The following CNRIP1 variants were observed in gnomAD, a reference collection of about 807,000 sequenced individuals.
CNRIP1 encodes the protein cannabinoid receptor interacting protein 1.
A neutral mutation model predicts 15.2 loss-of-function variants in CNRIP1; 10 were observed. That is an observed-to-expected ratio of 0.66 (90% CI 0.41 to 1.12). CNRIP1 has a LOEUF of 1.12. CNRIP1 is among the 50% of genes most tolerant of loss of function. The pLI, the probability that CNRIP1 is intolerant of heterozygous loss-of-function variation, is 0.00. For missense variants in CNRIP1, 211 were observed against 214.7 expected (o/e 0.98, Z 0.11); for synonymous variants, 91 against 83.2 (o/e 1.09, Z -0.51).
chr2:68,316,517 A>C (rs1672278075), intron 2 of CNRIP1: 1 of 151,356 alleles, frequency 6.6e-6, no homozygotes, highest in Admixed American at 6.6e-5. Flanking sequence ...CTATGTCTTG[A>C]CTCTATCCTT....
chr2:68,305,774 C>T (rs1448066376), intron 2 of CNRIP1, among the ~76,000 whole-genome samples: 8 of 135,976 alleles, frequency 5.9e-5, no homozygotes, highest in Admixed American at 8.2e-5. Flanking sequence ...GCAGCCTGGG[C>T]GTCAGAGAAA....
At chr2:68,314,397 A>G (rs1353581517) in intron 2 of CNRIP1, among the ~76,000 whole-genome samples, 1 of 152,146 alleles carries the variant, frequency 6.6e-6, no homozygotes, top group African/African-American at 2.4e-5. Context: ...AAGGTTTAGT[A>G]TTTGGAAGTG....
rs184762712 is a variant in CNRIP1 at position 68,318,476 on chromosome 2, T to A, written c.179+746A>T. Among the ~76,000 whole-genome samples the A allele has an allele frequency of 2.2e-4, 33 of 152,204 alleles. No individual in the cohort carries two copies. The East Asian group carries it at 6.4e-3, about 29-fold the overall frequency. On this transcript the variant is annotated intron_variant, in intron 1 of 2. Transcript: ENST00000263655. The stretch of plus-strand genomic sequence containing the variant: ...CGCCAGAGGTCTACTGGGTGCATTA[T>A]CCAGCGGTCGCTGGCAAGAAATCGT...
intron 2 of CNRIP1, among the ~76,000 whole-genome samples, chr2:68,302,490 TG>T (rs1353658410): frequency 6.6e-6 from 1 of 152,330 alleles, no homozygotes; most frequent in East Asian, 1.9e-4. Context: ...CTCTGTGAAA[TG>T]GGGTTTGAGA....
rs1225964288 is a variant in CNRIP1 at position 68,305,272 on chromosome 2, A to ATGTGTGTGTG, written c.331-11247_331-11246insCACACACACA. ...AAAAAAAAAAAAAATATATATATAT[A>ATGTGTGTGTG]TATGTGTGTGTGTGTGTGTGTGTGT... On this transcript the variant is annotated intron_variant, in intron 2 of 2. Transcript: ENST00000263655. Among the ~76,000 whole-genome samples, 114 of 68,984 alleles carry ATGTGTGTGTG rather than the reference A, an allele frequency of 1.7e-3. No homozygotes were observed. The East Asian group carries it at 0.028, about 17-fold the overall frequency. 45.3% of individuals were successfully genotyped at this position (68,984 alleles called of 152,430 possible).
intron 2 of CNRIP1, among the ~76,000 whole-genome samples, chr2:68,297,153 A>G (rs1187492207): frequency 3.3e-5 from 5 of 152,272 alleles, no homozygotes; most frequent in Admixed American, 3.3e-4. Context: ...GTATTTCCCA[A>G]AAGTATTACC....
At chr2:68,297,019 G>A (rs954182102) in intron 2 of CNRIP1, among the ~76,000 whole-genome samples, 13 of 151,970 alleles carry the variant, frequency 8.6e-5, no homozygotes, top group Non-Finnish European at 1.6e-4. Flanking sequence ...CACCAGCCTC[G>A]GCCTCTCAAA....
chr2:68,294,495 C>T (rs1671275884), intron 2 of CNRIP1, among the ~76,000 whole-genome samples: 1 of 152,128 alleles, frequency 6.6e-6, no homozygotes, highest in Non-Finnish European at 1.5e-5. Flanking sequence ...GTCTCTAAAA[C>T]AAACCCCCAT....
chr2:68,302,796 C>T (rs1394180703), intron 2 of CNRIP1, among the ~76,000 whole-genome samples: 6 of 152,130 alleles, frequency 3.9e-5, no homozygotes, highest in African/African-American at 1.2e-4. Flanking sequence ...GTAACGTTTC[C>T]CCCAAATAGC....
At chr2:68,304,401 C>A (rs200129002) in intron 2 of CNRIP1, among the ~76,000 whole-genome samples, 34 of 148,310 alleles carry the variant, frequency 2.3e-4, no homozygotes, top group African/African-American at 4.7e-4. Context: ...GACTCCATCT[C>A]AAAAAAAAAA....
In CNRIP1 at chr2:68,319,768, G is replaced by T; in HGVS notation, c.-368C>A. On this transcript the variant is annotated 5_prime_UTR_variant, in exon 1 of 3. Coordinates refer to ENST00000263655, the MANE Select transcript of CNRIP1 (RefSeq NM_015463.3). ...GGGCGAGGGAGTTAATCCTGTTTACGCACCACAATCCCCTTCAGCTGGGGA... is the reference window on the plus strand; with the variant it reads ...GGGCGAGGGAGTTAATCCTGTTTACTCACCACAATCCCCTTCAGCTGGGGA... 4.7e-6 allele frequency: 1 copy of T among 211,482 alleles called. No individual in the cohort carries two copies. The highest frequency in any genetic ancestry group is 9.5e-6 in the Non-Finnish European group (1 of 104,788). 13.1% of individuals were successfully genotyped at this position (211,482 alleles called of 1,614,324 possible). A position where few individuals can be genotyped will look rare whatever the true frequency, so the allele number is the denominator to read the frequency against.
chr2:68,289,623 G>T (rs1433857178), downstream of CNRIP1, among the ~76,000 whole-genome samples: 1 of 152,068 alleles, frequency 6.6e-6, no homozygotes, highest in Non-Finnish European at 1.5e-5. Context: ...TGGGACCACA[G>T]TTGCACACCA....
chr2:68,295,510 A>T (rs768005658), intron 2 of CNRIP1, among the ~76,000 whole-genome samples: 14 of 152,228 alleles, frequency 9.2e-5, no homozygotes, highest in Non-Finnish European at 1.3e-4. Context: ...CCAAATGTTT[A>T]TTCACATGTT....
chr2:68,305,312 G>GTGTGTGTA lies in CNRIP1; in HGVS notation c.331-11287_331-11286insTACACACA, dbSNP rs1285507186. ...TGTGTGTGTGTGTGTGTGTGTGTGT[G>GTGTGTGTA]TACATATAAAACATATATAATATAT... On this transcript the variant is annotated intron_variant, in intron 2 of 2. Transcript: ENST00000263655. 1.4e-4 allele frequency among the ~76,000 whole-genome samples: 18 copies of GTGTGTGTA among 129,066 alleles called. 1 individual carries two copies. The highest frequency in any genetic ancestry group is 5.3e-4 in the African/African-American group (18 of 33,920). 84.7% of individuals were successfully genotyped at this position (129,066 alleles called of 152,430 possible).
rs1445436823 is a variant in CNRIP1, at chr2:68,319,421, C to T, written c.-21G>A. Reference sequence around the variant, plus strand: ...CCCATGTCTGGGCGAGGGTCTGGCGCGGCGGCTCCGGGGGGCGGAGGACAG... The same window carrying T: ...CCCATGTCTGGGCGAGGGTCTGGCGTGGCGGCTCCGGGGGGCGGAGGACAG... On this transcript the variant is annotated 5_prime_UTR_variant, in exon 1 of 3. Transcript: ENST00000263655. 3.3e-6 allele frequency: 5 copies of T among 1,518,822 alleles called. No individual in the cohort carries two copies. The African/African-American group carries it at 6.9e-5, about 21-fold the overall frequency. The allele number at this position is 1,518,822 out of a possible 1,614,324, so 94.1% of individuals were successfully genotyped here.
intron 2 of CNRIP1, among the ~76,000 whole-genome samples, chr2:68,305,601 C>T (rs538012376): frequency 1.3e-5 from 2 of 150,230 alleles, no homozygotes; most frequent in African/African-American, 4.9e-5. Flanking sequence ...TGAGACCATC[C>T]TGGCTAACAC....
chr2:68,284,494 A>G lies in CNRIP1; in HGVS notation c.331-10T>C, dbSNP rs1272007715. The G allele has an allele frequency of 9.1e-6, 14 of 1,530,180 alleles. No individual in the cohort carries two copies. The East Asian group carries it at 3.2e-4, about 35-fold the overall frequency. 94.8% of individuals were successfully genotyped at this position (1,530,180 alleles called of 1,614,324 possible). A position where few individuals can be genotyped will look rare whatever the true frequency, so the allele number is the denominator to read the frequency against. ...GTTGTTCCAGGCACTCCTGAAAATAAATAGATACCAGAATAAGTTTGAGAA... is the reference window on the plus strand; with the variant it reads ...GTTGTTCCAGGCACTCCTGAAAATAGATAGATACCAGAATAAGTTTGAGAA... On this transcript the variant is annotated splice_polypyrimidine_tract_variant and intron_variant, in intron 2 of 2. Transcript: ENST00000409559.
chr2:68,293,860 T>C lies in CNRIP1; in HGVS notation c.*2A>G. The C allele has an allele frequency of 6.8e-6, 11 of 1,612,850 alleles. No individual in the cohort carries two copies. The highest frequency in any genetic ancestry group is 2.2e-5 in the East Asian group (1 of 44,852). ...GTCCAGTAGCATCAGAAAGAGCCACTTTCAGAGGAAGGACTCCTTGTTCAC... is the reference window on the plus strand; with the variant it reads ...GTCCAGTAGCATCAGAAAGAGCCACCTTCAGAGGAAGGACTCCTTGTTCAC... On this transcript the variant is annotated 3_prime_UTR_variant, in exon 3 of 3. Transcript: ENST00000263655.
At chr2:68,304,086 A>G (rs563811833) in intron 2 of CNRIP1, among the ~76,000 whole-genome samples, 17 of 149,110 alleles carry the variant, frequency 1.1e-4, no homozygotes, top group Non-Finnish European at 2.2e-4. Context: ...AAACAAACAA[A>G]AAAAACAAAC....
Sources: allele counts gnomAD v4.1 joint callset (sites outside exome capture counted in the v4.1 genomes callset), GRCh38; gene constraint gnomAD v4.1.1; transcripts MANE v1.5; gene names NCBI Gene and HGNC (gene_info 2026-07-23, HGNC 2026-07-21).